The following STK32B variants were observed in gnomAD, a reference collection of about 807,000 sequenced individuals.
STK32B encodes serine/threonine kinase 32B.
Under a neutral mutation model 52.6 loss-of-function variants are expected in STK32B, and 43 were observed. That is an observed-to-expected ratio of 0.82 (90% CI 0.64 to 1.05). STK32B has a LOEUF of 1.05. Ranked by LOEUF, STK32B falls within the 50% of genes least tolerant of loss-of-function variation. The pLI, the probability that STK32B is intolerant of heterozygous loss-of-function variation, is 0.00. For synonymous variants in STK32B, 238 were observed against 204.3 expected, an observed-to-expected ratio of 1.17 and a Z score of -1.41; for missense variants, 621 against 534.6, an observed-to-expected ratio of 1.16 and a Z score of -1.59.
chr4:5,345,839 T>C (rs1250075448), intron 4 of STK32B, among the ~76,000 whole-genome samples: 4 of 152,224 alleles, frequency 2.6e-5, no homozygotes, highest in African/African-American at 7.2e-5. Flanking sequence ...CATGGAAAAA[T>C]GAAATTCTTT....
intron 5 of STK32B, among the ~76,000 whole-genome samples, chr4:5,412,561 G>A (rs531380739): frequency 6.6e-6 from 1 of 152,186 alleles, no homozygotes; most frequent in Non-Finnish European, 1.5e-5. Context: ...CTCTGTAGGA[G>A]GAGAGTGGGA....
At chr4:5,426,370 C>A (rs1713090298) in intron 6 of STK32B, among the ~76,000 whole-genome samples, 1 of 152,082 alleles carries the variant, frequency 6.6e-6, no homozygotes, top group African/African-American at 2.4e-5. Flanking sequence ...CATATATTTT[C>A]TGTGTGGAAT....
intron 4 of STK32B, among the ~76,000 whole-genome samples, chr4:5,351,244 T>C (rs1465455590): frequency 2.0e-5 from 3 of 150,344 alleles, no homozygotes; most frequent in South Asian, 2.1e-4. Context: ...TTTTTAAAAA[T>C]TGAAATTATG....
intron 4 of STK32B, among the ~76,000 whole-genome samples, chr4:5,357,203 T>C (rs968497368): frequency 6.7e-6 from 1 of 148,658 alleles, no homozygotes; most frequent in African/African-American, 2.5e-5. Flanking sequence ...TGGCAGGCTC[T>C]GAAGTAAACC....
intron 4 of STK32B, among the ~76,000 whole-genome samples, chr4:5,343,519 T>C (rs1048050181): frequency 3.9e-5 from 6 of 152,190 alleles, no homozygotes; most frequent in Non-Finnish European, 7.3e-5. Context: ...CCCTGAGGAA[T>C]CGCCACACTG....
At chr4:5,073,795 C>T (rs939945369) in intron 1 of STK32B, among the ~76,000 whole-genome samples, 1 of 151,988 alleles carries the variant, frequency 6.6e-6, no homozygotes, top group African/African-American at 2.4e-5. Flanking sequence ...TTAGCAATAT[C>T]ATTCCATTAT....
At chr4:5,122,902 C>T (rs868592631) in intron 1 of STK32B, among the ~76,000 whole-genome samples, 2 of 152,174 alleles carry the variant, frequency 1.3e-5, no homozygotes, top group African/African-American at 4.8e-5. Flanking sequence ...TCTCCACCTA[C>T]TTCAGCTGTT....
rs1213769575 is a variant in STK32B at position 5,272,523 on chromosome 4, A to T, written c.261-58697A>T. ...ATCAGAATGATGCTGGCCTCATAAAATGAGTTAGGGAGGATTCCCTCTTTT... is the reference window on the plus strand; with the variant it reads ...ATCAGAATGATGCTGGCCTCATAAATTGAGTTAGGGAGGATTCCCTCTTTT... On this transcript the variant is annotated intron_variant, in intron 3 of 11. Transcript: ENST00000282908. Among the ~76,000 whole-genome samples the T allele has an allele frequency of 9.3e-4, 141 of 150,890 alleles. 1 individual carries two copies. Among genetic ancestry groups the T allele is most frequent in the African/African-American group, 3.3e-3 (135 of 41,004 alleles).
At chr4:5,401,288 G>A (rs1737276991) in intron 5 of STK32B, among the ~76,000 whole-genome samples, 1 of 152,136 alleles carries the variant, frequency 6.6e-6, no homozygotes, top group African/African-American at 2.4e-5. Flanking sequence ...TAAACTGCAT[G>A]ACAAAACCTT....
At chr4:5,184,328 G>C (rs1273921675) in intron 3 of STK32B, among the ~76,000 whole-genome samples, 1 of 152,114 alleles carries the variant, frequency 6.6e-6, no homozygotes, top group African/African-American at 2.4e-5. Context: ...AACAACCAGC[G>C]ATGGAGCATT....
chr4:5,432,962 A>G (rs1380008667), intron 6 of STK32B, among the ~76,000 whole-genome samples: 4 of 152,192 alleles, frequency 2.6e-5, no homozygotes, highest in Non-Finnish European at 5.9e-5. Context: ...CCCCAAGGTC[A>G]TTGTGCCAGT....
chr4:5,060,519 C>A (rs146244899), intron 1 of STK32B, among the ~76,000 whole-genome samples: 1 of 151,490 alleles, frequency 6.6e-6, no homozygotes, highest in East Asian at 1.9e-4. Context: ...AAATAGTTTT[C>A]TTCTGTACAC....
chr4:5,142,756 C>T (rs762913496), intron 2 of STK32B, among the ~76,000 whole-genome samples: 1 of 152,150 alleles, frequency 6.6e-6, no homozygotes, highest in Non-Finnish European at 1.5e-5. Context: ...TGGGCTAGGC[C>T]GTGGTGCCCA....
At chr4:5,484,565 A>G (rs1055627273) in intron 11 of STK32B, among the ~76,000 whole-genome samples, 81 of 152,244 alleles carry the variant, frequency 5.3e-4, no homozygotes, top group Non-Finnish European at 1.8e-4. Context: ...GTCTCTTTTA[A>G]TTGGAGCATT....
intron 1 of STK32B, among the ~76,000 whole-genome samples, chr4:5,115,480 A>G (rs928527539): frequency 6.6e-6 from 1 of 152,202 alleles, no homozygotes; most frequent in African/African-American, 2.4e-5. Flanking sequence ...CATCTGAACA[A>G]AGACAAAGGA....
chr4:5,054,388 G>A (rs1001746101), intron 1 of STK32B, among the ~76,000 whole-genome samples: 1 of 152,000 alleles, frequency 6.6e-6, no homozygotes, highest in South Asian at 2.1e-4. Context: ...TTTTAGACTG[G>A]CATCTTGCAG....
At chr4:5,292,785 A>T (rs1240220941) in intron 3 of STK32B, among the ~76,000 whole-genome samples, 1 of 151,276 alleles carries the variant, frequency 6.6e-6, no homozygotes, top group Non-Finnish European at 1.5e-5. Flanking sequence ...CTTTTTTTTT[A>T]AATTACACTT....
chr4:5,098,133 C>G (rs1413635241), intron 1 of STK32B, among the ~76,000 whole-genome samples: 2 of 152,228 alleles, frequency 1.3e-5, no homozygotes, highest in Admixed American at 6.5e-5. Flanking sequence ...CCAATTCAGC[C>G]CAAATGCAAG....
At chr4:5,066,567 G>C (rs988545484) in intron 1 of STK32B, among the ~76,000 whole-genome samples, 2 of 152,142 alleles carry the variant, frequency 1.3e-5, no homozygotes, top group African/African-American at 2.4e-5. Context: ...AACCTGCCCA[G>C]CTCTCCCAAC....
Sources: gnomAD v4.1 joint callset for allele counts (sites outside exome capture counted in the v4.1 genomes callset) on GRCh38, gnomAD v4.1.1 for gene constraint, MANE v1.5 for transcripts, NCBI Gene and HGNC (gene_info 2026-07-23, HGNC 2026-07-21) for gene names.